DOCK3: variants seen among roughly 807,000 people sequenced by gnomAD.
The protein encoded by DOCK3 is dedicator of cytokinesis 3.
Under a neutral mutation model 265.6 loss-of-function variants are expected in DOCK3, and 60 were observed. The ratio of observed to expected loss-of-function variants is 0.23; its 90% CI spans 0.18 to 0.28. The LOEUF (loss-of-function observed/expected upper bound fraction) is 0.28, where lower values mean the gene tolerates loss of function less well. Among genes scored for constraint, DOCK3 ranks in the 10% least tolerant of loss-of-function variants. DOCK3 has a pLI of 1.00. For synonymous variants in DOCK3, 881 were observed against 938.0 expected, an observed-to-expected ratio of 0.94 and a Z score of 1.11; for missense variants, 1,981 against 2,594.3, an observed-to-expected ratio of 0.76 and a Z score of 5.14.
At chr3:51,229,964 A>G (rs993533864) in intron 19 of DOCK3, among the ~76,000 whole-genome samples, 5 of 152,156 alleles carry the variant, frequency 3.3e-5, no homozygotes, top group African/African-American at 9.7e-5. Flanking sequence ...TATTCCGCAT[A>G]TAAGTGTGAT....
intron 3 of DOCK3, among the ~76,000 whole-genome samples, chr3:50,865,268 A>G (rs185933288): frequency 5.1e-4 from 77 of 152,284 alleles, no homozygotes; most frequent in Non-Finnish European, 9.1e-4. Flanking sequence ...GTTTATACAC[A>G]TTAACCATCT....
At chr3:51,262,917 A>G (rs772820894) in intron 23 of DOCK3, among the ~76,000 whole-genome samples, 3 of 152,262 alleles carry the variant, frequency 2.0e-5, no homozygotes, top group Admixed American at 6.5e-5. Flanking sequence ...ATATGGGACT[A>G]TGTGAAAAGA....
At chr3:50,943,957 CAT>C (rs1006071475) in intron 5 of DOCK3, among the ~76,000 whole-genome samples, 15 of 152,272 alleles carry the variant, frequency 9.9e-5, no homozygotes, top group African/African-American at 3.1e-4. Flanking sequence ...AATGAAAAAA[CAT>C]ATAAATCTTC....
At chr3:51,277,568 G>A (rs1336648221) in intron 25 of DOCK3, 40 bp from the exon 26 acceptor site, 1 of 1,495,650 alleles carries the variant, frequency 6.7e-7, no homozygotes. Flanking sequence ...CTTCAGCCTG[G>A]CTTGCTGCTA....
At chr3:50,834,020 A>C (rs1438145418) in intron 2 of DOCK3, among the ~76,000 whole-genome samples, 2 of 152,092 alleles carry the variant, frequency 1.3e-5, no homozygotes, top group African/African-American at 4.8e-5. Context: ...GCAACATTTT[A>C]AGCAAAGTCA....
At chr3:50,788,516 C>G (rs1310444185) in intron 2 of DOCK3, among the ~76,000 whole-genome samples, 1 of 152,242 alleles carries the variant, frequency 6.6e-6, no homozygotes, top group East Asian at 1.9e-4. Context: ...AAGAGAACTA[C>G]AAGGGACTTG....
chr3:50,817,200 G>A (rs1364639351), intron 2 of DOCK3, among the ~76,000 whole-genome samples: 1 of 152,212 alleles, frequency 6.6e-6, no homozygotes, highest in Non-Finnish European at 1.5e-5. Flanking sequence ...GTGTAGCAGT[G>A]AGGACAACCA....
chr3:50,784,523 T>C (rs1465650249), intron 2 of DOCK3, among the ~76,000 whole-genome samples: 1 of 152,126 alleles, frequency 6.6e-6, no homozygotes, highest in Non-Finnish European at 1.5e-5. Context: ...GAATTGTAGA[T>C]TTGTTTTTTC....
At chr3:50,988,173 A>G (rs180946131) in intron 5 of DOCK3, among the ~76,000 whole-genome samples, 10 of 151,890 alleles carry the variant, frequency 6.6e-5, no homozygotes, top group African/African-American at 2.2e-4. Context: ...CTGTTTGGGC[A>G]CCTTAGCCAT....
intron 32 of DOCK3, among the ~76,000 whole-genome samples, chr3:51,318,932 A>G (rs1166709167): frequency 6.6e-6 from 1 of 152,102 alleles, no homozygotes; most frequent in Non-Finnish European, 1.5e-5. Flanking sequence ...AAATTTACTT[A>G]TTAGTTCTGG....
At chr3:51,053,963 A>G (rs1352128289) in intron 5 of DOCK3, among the ~76,000 whole-genome samples, 2 of 151,872 alleles carry the variant, frequency 1.3e-5, no homozygotes, top group Admixed American at 6.6e-5. Context: ...TTTTTTCTCA[A>G]TTATATCCTG....
chr3:50,719,351 T>C (rs1247759214), intron 1 of DOCK3: 1 of 336,544 alleles, frequency 3.0e-6, no homozygotes, highest in East Asian at 5.2e-5. Flanking sequence ...ATGAGGAAAA[T>C]ATGGAACCCA....
chr3:50,945,710 A>T (rs192997549), intron 5 of DOCK3, among the ~76,000 whole-genome samples: 1 of 152,206 alleles, frequency 6.6e-6, no homozygotes, highest in Non-Finnish European at 1.5e-5. Context: ...GATTTGTTAA[A>T]GATTAAGAAC....
At chr3:51,046,479 A>G (rs904165799) in intron 5 of DOCK3, among the ~76,000 whole-genome samples, 1 of 152,168 alleles carries the variant, frequency 6.6e-6, no homozygotes, top group Non-Finnish European at 1.5e-5. Context: ...TAAGGCAAAA[A>G]CTGTTGTGAG....
intron 1 of DOCK3, chr3:50,719,741 A>G (rs2108004851): frequency 7.9e-7 from 1 of 1,264,342 alleles, no homozygotes; most frequent in South Asian, 1.2e-5. Flanking sequence ...ATTTCTCCCT[A>G]TAGATGGACT....
intron 5 of DOCK3, among the ~76,000 whole-genome samples, chr3:51,013,224 C>T (rs970572646): frequency 2.6e-5 from 4 of 152,154 alleles, no homozygotes; most frequent in African/African-American, 4.8e-5. Flanking sequence ...GGAGGAGATG[C>T]AGTGCTCTGG....
At chr3:50,853,309 T>C (rs2046427050) in intron 3 of DOCK3, among the ~76,000 whole-genome samples, 1 of 152,038 alleles carries the variant, frequency 6.6e-6, no homozygotes, top group Non-Finnish European at 1.5e-5. Context: ...TTTTTTTTTT[T>C]CTTTAAAATT....
At chr3:50,875,376 G>C (rs564833734) in intron 3 of DOCK3, among the ~76,000 whole-genome samples, 2 of 152,124 alleles carry the variant, frequency 1.3e-5, no homozygotes, top group Non-Finnish European at 2.9e-5. Flanking sequence ...TCTTGTTTGA[G>C]ATCTCTTTGG....
At chr3:51,310,574 G>A (rs1055441861) in intron 28 of DOCK3, among the ~76,000 whole-genome samples, 1 of 152,234 alleles carries the variant, frequency 6.6e-6, no homozygotes, top group Non-Finnish European at 1.5e-5. Context: ...AGGAAGGCCT[G>A]CTCAGTGGCC....
Sources: allele counts gnomAD v4.1 joint callset (sites outside exome capture counted in the v4.1 genomes callset), GRCh38; gene constraint gnomAD v4.1.1; transcripts MANE v1.5; gene names NCBI Gene and HGNC (gene_info 2026-07-23, HGNC 2026-07-21).